ZNF552: variants seen among roughly 807,000 people sequenced by gnomAD.
ZNF552 encodes zinc finger protein 552.
Under a neutral mutation model 7.2 loss-of-function variants are expected in ZNF552, and 2 were observed. That is an observed-to-expected ratio of 0.28 (90% CI 0.11 to 0.88). The LOEUF (loss-of-function observed/expected upper bound fraction) is 0.88. Ranked by LOEUF, ZNF552 falls within the 40% of genes least tolerant of loss-of-function variation. The probability of loss-of-function intolerance (pLI) is 0.60; values close to 1 mark genes in which losing one functional copy is unlikely to be tolerated. For missense variants in ZNF552, 421 were observed against 493.4 expected, an observed-to-expected ratio of 0.85 and a Z score of 1.39; for synonymous variants, 173 against 176.5, an observed-to-expected ratio of 0.98 and a Z score of 0.16.
At chr19:57,814,098 A>G (rs1987912897) in intron 1 of ZNF552, among the ~76,000 whole-genome samples, 1 of 152,074 alleles carries the variant, frequency 6.6e-6, no homozygotes, top group Non-Finnish European at 1.5e-5. Context: ...CTGAGGGAAG[A>G]GGCTGACTTT....
Position 57,809,011 on chromosome 19 carries a change from C to T in ZNF552, c.253G>A (p.Val85Met). The change falls in exon 3 of 3, where the codon GTG becomes ATG. Residue 85 changes from valine (V) to methionine (M), a missense_variant. Around this residue, in one of 2 missense-constraint regions of ZNF552, gnomAD observed 122 missense variants for 199.7 expected, o/e 0.61. Transcript: ENST00000391701. ...ETQVRTPMAG[V>M]SPKKAHPCEM... is the part of the protein sequence containing the mutation. ...CAGGGGTGGGCCTTCTTGGGAGACA[C>T]ACCTGCCATAGGAGTCCTGACCTGA... 2 of 1,569,078 alleles carry T rather than the reference C, an allele frequency of 1.3e-6. No individual in the cohort carries two copies. Among genetic ancestry groups the T allele is most frequent in the Non-Finnish European group, 1.7e-6 (2 of 1,155,902 alleles).
Position 57,811,273 on chromosome 19 carries a change from C to G in ZNF552, c.160+2021G>C, listed in dbSNP as rs182302811. On this transcript the variant is annotated intron_variant, in intron 2 of 2. Transcript: ENST00000391701. ...CTGCAAGCTCCGCCTGCCGGGTTCACGCCATTCTCCTGCCTCAGCCTCTCC... is the reference window on the plus strand; with the variant it reads ...CTGCAAGCTCCGCCTGCCGGGTTCAGGCCATTCTCCTGCCTCAGCCTCTCC... 4.0e-3 allele frequency among the ~76,000 whole-genome samples: 612 copies of G among 152,128 alleles called. 3 individuals carry two copies. Among genetic ancestry groups the G allele is most frequent in the Non-Finnish European group, 6.9e-3 (468 of 67,984 alleles).
Position 57,813,294 on chromosome 19 carries a change from C to A in ZNF552, c.160G>T (p.Gly54Cys), listed in dbSNP as rs761230768. 7 of 1,613,926 alleles carry A rather than the reference C, an allele frequency of 4.3e-6. No homozygotes were observed. Among genetic ancestry groups the A allele is most frequent in the Admixed American group, 3.3e-5 (2 of 60,010 alleles). ...LENLALMSSL[G>C]CWCGVEDEAA... Reference sequence around the variant, plus strand: ...ACAGGGGTGAGTGTGGGCAACTTACCCAGGGAGGACATAAGTGCCAGGTTC... The same window carrying A: ...ACAGGGGTGAGTGTGGGCAACTTACACAGGGAGGACATAAGTGCCAGGTTC... Residue 54 changes from glycine (G) to cysteine (C), a missense_variant and splice_region_variant, in exon 2 of 3, where the codon GGT (glycine) becomes TGT (cysteine). Physicochemically the swap from Gly to Cys is radical, Grantham distance 159. This residue lies in a region of ZNF552 where 122 missense variants were observed against 199.7 expected (regional missense o/e 0.61). Transcript: ENST00000391701.
In ZNF552 at chr19:57,808,651, A is replaced by G. The variant is rs1313101561; in HGVS notation, c.613T>C (p.Phe205Leu). The G allele has an allele frequency of 3.1e-6, 5 of 1,614,156 alleles. No homozygotes were observed. The highest frequency in any genetic ancestry group is 3.3e-4 in the Middle Eastern group (2 of 6,062). The change falls in exon 3 of 3, where the codon TTT becomes CTT. Residue 205 changes from phenylalanine (F) to leucine (L), a missense_variant. Coordinates refer to ENST00000391701, the MANE Select transcript of ZNF552 (RefSeq NM_024762.3). The part of the protein sequence containing the change: ...SNSKTECVSL[F>L]HGGKSHYSCG... The stretch of plus-strand genomic sequence containing the variant: ...CTGTAATGGCTTTTTCCCCCATGAA[A>G]CAGAGACACACACTCAGTTTTGCTG...
At chr19:57,813,734 CTTTTTTTTTTTTT>C (rs528034833) in intron 1 of ZNF552, among the ~76,000 whole-genome samples, 9 of 86,244 alleles carry the variant, frequency 1.0e-4, no homozygotes, top group Non-Finnish European at 1.9e-4. Flanking sequence ...GCACCTCATT[CTTTTTTTTTTTTT>C]TTTTTTTTTT....
rs1568489905 is a variant in ZNF552 at position 57,808,172 on chromosome 19, G to A, written c.1092C>T (p.Ser364=). ...CTCTCCTGTGTTTAGTGAGACTGGA[G>A]CTTTCGGCAAAAGATTTCCCACATT... is the stretch of plus-strand genomic sequence containing the variant. ...CSECGKSFAE[S]SSLTKHRRVH... Residue 364 remains serine, a synonymous_variant, in exon 3 of 3, where the codon AGC becomes AGT. Coordinates refer to ENST00000391701, the MANE Select transcript of ZNF552 (RefSeq NM_024762.3). The A allele has an allele frequency of 6.2e-7, 1 of 1,614,036 alleles. No individual in the cohort carries two copies. Among genetic ancestry groups the A allele is most frequent in the African/African-American group, 1.3e-5 (1 of 75,016 alleles).
intron 2 of ZNF552, among the ~76,000 whole-genome samples, chr19:57,811,670 G>C (rs1482849610): frequency 1.6e-5 from 2 of 125,390 alleles, no homozygotes; most frequent in Non-Finnish European, 3.1e-5. Context: ...GAGCCAGATC[G>C]CACCATTGCG....
In ZNF552 at chr19:57,814,904, G is replaced by T. The variant is rs957775996; in HGVS notation, c.-161C>A. Reference sequence around the variant, plus strand: ...AGGACTCCCTAACGCCAATGGAAATGGTCGCTACTAAAGGGCGCCGGGAGT... The same window carrying T: ...AGGACTCCCTAACGCCAATGGAAATTGTCGCTACTAAAGGGCGCCGGGAGT... On this transcript the variant is annotated 5_prime_UTR_variant, in exon 1 of 3. Coordinates refer to ENST00000391701, the MANE Select transcript of ZNF552 (RefSeq NM_024762.3). 9.3e-6 allele frequency: 7 copies of T among 754,164 alleles called. No homozygotes were observed. The highest frequency in any genetic ancestry group is 3.8e-5 in the South Asian group (2 of 52,726). 46.7% of individuals were successfully genotyped at this position (754,164 alleles called of 1,614,324 possible). A position where few individuals can be genotyped will look rare whatever the true frequency, so the allele number is the denominator to read the frequency against.
chr19:57,809,269 T>C, intron 2 of ZNF552, 166 bp from the exon 3 acceptor site: 1 of 1,495,490 alleles, frequency 6.7e-7, no homozygotes, highest in Non-Finnish European at 9.1e-7. Context: ...TACTGGACTA[T>C]AATGGTCACA....
chr19:57,810,890 C>A (rs1202851797), intron 2 of ZNF552, among the ~76,000 whole-genome samples: 2 of 152,240 alleles, frequency 1.3e-5, no homozygotes, highest in African/African-American at 4.8e-5. Flanking sequence ...GGAGGTGAGA[C>A]ATGCTGGAGG....
At chr19:57,814,316 G>A in intron 1 of ZNF552, 1 of 617,356 alleles carries the variant, frequency 1.6e-6, no homozygotes, top group Non-Finnish European at 2.8e-6. Flanking sequence ...TTGGCCTTTA[G>A]GAAACTTTAA....
At chr19:57,812,560 A>G (rs904414509) in intron 2 of ZNF552, among the ~76,000 whole-genome samples, 1 of 152,116 alleles carries the variant, frequency 6.6e-6, no homozygotes, top group Non-Finnish European at 1.5e-5. Flanking sequence ...ACAGGAAACA[A>G]TATTACAAAA....
Position 57,808,489 on chromosome 19 carries a change from G to A in ZNF552, c.775C>T (p.Gln259Ter). 1 of 1,613,832 alleles carries A rather than the reference G, an allele frequency of 6.2e-7. No homozygotes were observed. The highest frequency in any genetic ancestry group is 8.5e-7 in the Non-Finnish European group (1 of 1,179,860). ...SSKYDSFSNHQGVHTREKPYT... is the reference protein window; with the variant it reads ...SSKYDSFSNH ...GGTTTTTCTCTAGTGTGAACTCCTT[G>A]ATGATTACTGAAGCTGTCATATTTG... Residue 259 changes from glutamine (Q) to a stop codon, truncating the protein, a stop_gained, in exon 3 of 3, where the codon CAA (glutamine) becomes TAA (stop). Coordinates refer to ENST00000391701, the MANE Select transcript of ZNF552 (RefSeq NM_024762.3). LOFTEE classifies it low-confidence loss of function (END_TRUNC).
At chr19:57,811,715 CAAAAAAAAAAAA>C (rs1162967437) in intron 2 of ZNF552, among the ~76,000 whole-genome samples, 2 of 49,702 alleles carry the variant, frequency 4.0e-5, no homozygotes, top group African/African-American at 9.4e-5. Flanking sequence ...AACTCCATCT[CAAAAAAAAAAAA>C]AAAAAAAAAA....
intron 2 of ZNF552, 68 bp downstream of exon 2, chr19:57,813,226 G>C: frequency 6.2e-7 from 1 of 1,600,210 alleles, no homozygotes; most frequent in Admixed American, 1.7e-5. Context: ...AGAAAGTCTT[G>C]CCAATAGAAA....
intron 1 of ZNF552, chr19:57,814,332 T>A (rs552837102): frequency 1.6e-6 from 1 of 643,784 alleles, no homozygotes; most frequent in East Asian, 2.7e-5. Context: ...TTTAAAAGCC[T>A]GGACTTTGAT....
intron 2 of ZNF552, among the ~76,000 whole-genome samples, chr19:57,811,575 G>C (rs1327524660): frequency 6.6e-6 from 1 of 151,974 alleles, no homozygotes; most frequent in Non-Finnish European, 1.5e-5. Flanking sequence ...TTCATTAGCC[G>C]GGCATGGTGG....
At chr19:57,811,282 C>T (rs1987851972) in intron 2 of ZNF552, among the ~76,000 whole-genome samples, 1 of 152,142 alleles carries the variant, frequency 6.6e-6, no homozygotes. Context: ...ACGCCATTCT[C>T]CTGCCTCAGC....
At position 57,808,691 on chromosome 19, in the gene ZNF552, G is replaced by GT; in HGVS notation, c.572dup (p.His191GlnfsTer10). The GT allele has an allele frequency of 6.2e-7, 1 of 1,614,208 alleles. No individual in the cohort carries two copies. Among genetic ancestry groups the GT allele is most frequent in the Non-Finnish European group, 8.5e-7 (1 of 1,180,034 alleles). On this transcript the variant is annotated frameshift_variant, in exon 3 of 3. Transcript: ENST00000391701. LOFTEE classifies it low-confidence loss of function (END_TRUNC). ...CAGTTTTGCTGTTTGACTTCCCAGT[G>GT]TGAGTGGCCTCTTGCTGGAGTAATC...
Sources: allele counts gnomAD v4.1 joint callset (sites outside exome capture counted in the v4.1 genomes callset), GRCh38; gene constraint gnomAD v4.1.1; regional missense constraint gnomAD v4.1.1; transcripts MANE v1.5; gene names NCBI Gene and HGNC (gene_info 2026-07-23, HGNC 2026-07-21).